The following GRIK4 variants were observed in gnomAD, a reference collection of about 807,000 sequenced individuals.
GRIK4 encodes glutamate ionotropic receptor kainate type subunit 4.
Under a neutral mutation model 104.9 loss-of-function variants are expected in GRIK4, and 40 were observed. That is an observed-to-expected ratio of 0.38 (90% confidence interval 0.30 to 0.50). The LOEUF is 0.50. Ranked by LOEUF, GRIK4 falls within the 20% of genes least tolerant of loss-of-function variation. The probability of loss-of-function intolerance (pLI) is 0.93; values close to 1 mark genes in which losing one functional copy is unlikely to be tolerated. For synonymous variants in GRIK4, 485 were observed against 524.9 expected (o/e 0.92, Z 1.04); for missense variants, 1,047 against 1,308.1 (o/e 0.80, Z 3.08).
At chr11:120,821,042 G>A (rs926923461) in intron 6 of GRIK4, among the ~76,000 whole-genome samples, 3 of 152,218 alleles carry the variant, frequency 2.0e-5, no homozygotes, top group Admixed American at 2.0e-4. Flanking sequence ...GACTCTAGGA[G>A]GTGAAATGAC....
Position 120,527,182 on chromosome 11 carries a change from C to A in GRIK4, c.-159+15295C>A, listed in dbSNP as rs75195561. On this transcript the variant is annotated intron_variant, in intron 1 of 20. Transcript: ENST00000527524. ...TTGCCCTGATCCCGCCTCGGCTTGC[C>A]GGGGCTTTGGCTTCTGGAGCTGCGT... Among the ~76,000 whole-genome samples, 9 of 152,302 alleles carry A rather than the reference C, an allele frequency of 5.9e-5. 2 individuals are homozygous for A. Among genetic ancestry groups the A allele is most frequent in the African/African-American group, 2.2e-4 (9 of 41,572 alleles).
intron 8 of GRIK4, among the ~76,000 whole-genome samples, chr11:120,852,168 T>C (rs1953988883): frequency 6.6e-6 from 1 of 152,208 alleles, no homozygotes. Context: ...AGTTAATAAC[T>C]ACTTATTTAG....
chr11:120,665,607 A>T (rs1277828191), intron 3 of GRIK4, among the ~76,000 whole-genome samples: 1 of 152,156 alleles, frequency 6.6e-6, no homozygotes, highest in African/African-American at 2.4e-5. Context: ...CTGAATTTTG[A>T]GCTGACCCGT....
At chr11:120,643,427 G>A (rs563338319) in intron 1 of GRIK4, among the ~76,000 whole-genome samples, 11 of 152,304 alleles carry the variant, frequency 7.2e-5, no homozygotes, top group South Asian at 2.1e-4. Context: ...GGGACCCAGC[G>A]TTGCCTGTGG....
chr11:120,943,219 G>A (rs758841727), intron 14 of GRIK4, among the ~76,000 whole-genome samples: 1 of 151,324 alleles, frequency 6.6e-6, no homozygotes, highest in Non-Finnish European at 1.5e-5. Flanking sequence ...AGGATGCCAC[G>A]TGGCTGCCTA....
intron 1 of GRIK4, among the ~76,000 whole-genome samples, chr11:120,570,266 T>G (rs1343359350): frequency 6.6e-6 from 1 of 152,216 alleles, no homozygotes. Flanking sequence ...CAAATCATAT[T>G]TTAAAAGGCT....
intron 3 of GRIK4, among the ~76,000 whole-genome samples, chr11:120,684,884 T>C (rs1379862506): frequency 6.6e-6 from 1 of 152,184 alleles, no homozygotes; most frequent in Non-Finnish European, 1.5e-5. Flanking sequence ...TAATTTTTTG[T>C]ATTTTTAGTA....
intron 9 of GRIK4, 89 bp downstream of exon 9, chr11:120,862,209 G>A: frequency 1.7e-6 from 2 of 1,146,274 alleles, no homozygotes; most frequent in Non-Finnish European, 2.5e-6. Flanking sequence ...ACATCTTCTT[G>A]GAGTCCAGCC....
chr11:120,758,706 A>G (rs530734832), intron 3 of GRIK4, among the ~76,000 whole-genome samples: 141 of 152,332 alleles, frequency 9.3e-4, no homozygotes, highest in African/African-American at 3.2e-3. Context: ...ACTGGAGTGA[A>G]ACATTACAGA....
chr11:120,863,054 G>A (rs978413375), intron 9 of GRIK4, among the ~76,000 whole-genome samples: 7 of 152,254 alleles, frequency 4.6e-5, no homozygotes, highest in South Asian at 2.1e-4. Flanking sequence ...AACCCAGGCC[G>A]TATGGCTTTA....
rs2134710287 is a variant in GRIK4 at position 120,956,607 on chromosome 11, C to A, written c.1701-173C>A. On this transcript the variant is annotated intron_variant, in intron 15 of 20. Transcript: ENST00000527524. The surrounding 1 kb of genome is among the most constrained non-coding windows in gnomAD (Gnocchi z 4.6). ...TGAGAACCATCAACCCAGTTCAACC[C>A]ACTTATTTTATTTTATTTTTTTTTT... 2.6e-5 allele frequency among the ~76,000 whole-genome samples: 4 copies of A among 152,206 alleles called. No homozygotes were observed. The South Asian group carries it at 8.3e-4, about 32-fold the overall frequency.
At chr11:120,520,435 A>AATCACGT (rs1237023329) in intron 1 of GRIK4, among the ~76,000 whole-genome samples, 1 of 152,230 alleles carries the variant, frequency 6.6e-6, no homozygotes, top group East Asian at 1.9e-4. Context: ...CCACCTCCTG[A>AATCACGT]ATCACGTGCC....
rs551277915 is a variant in GRIK4, at chr11:120,524,385, G to A, written c.-159+12498G>A. Among the ~76,000 whole-genome samples, 8 of 152,242 alleles carry A rather than the reference G, an allele frequency of 5.3e-5. No homozygotes were observed. Among genetic ancestry groups the A allele is most frequent in the South Asian group, 2.1e-4 (1 of 4,814 alleles). On this transcript the variant is annotated intron_variant, in intron 1 of 20. Transcript: ENST00000527524. The surrounding 1 kb of genome is among the most constrained non-coding windows in gnomAD (Gnocchi z 4.5). ...TGACTCTGGAAAGCTTGGATGGGCC[G>A]CCTTCGACTCGCAGATGTATGGGAT...
intron 1 of GRIK4, among the ~76,000 whole-genome samples, chr11:120,565,343 T>C (rs1179655538): frequency 6.6e-6 from 1 of 152,238 alleles, no homozygotes; most frequent in African/African-American, 2.4e-5. Context: ...AAGCCCACTT[T>C]CCAGTGAGCT....
chr11:120,579,560 G>A (rs1157273168), intron 1 of GRIK4, among the ~76,000 whole-genome samples: 1 of 152,150 alleles, frequency 6.6e-6, no homozygotes, highest in African/African-American at 2.4e-5. Flanking sequence ...TTTAAGCAGG[G>A]GAGTGACAGT....
chr11:120,784,760 G>T (rs970743717), intron 3 of GRIK4, among the ~76,000 whole-genome samples: 1 of 151,996 alleles, frequency 6.6e-6, no homozygotes, highest in Admixed American at 6.5e-5. Context: ...TTCAGAGTCT[G>T]CCAGGCACCT....
At chr11:120,566,753 G>C (rs888651420) in intron 1 of GRIK4, among the ~76,000 whole-genome samples, 1 of 150,264 alleles carries the variant, frequency 6.7e-6, no homozygotes, top group Admixed American at 6.7e-5. Context: ...TGCCAGGCTG[G>C]AGTGCAGTGG....
At chr11:120,587,614 T>G (rs1459942010) in intron 1 of GRIK4, among the ~76,000 whole-genome samples, 2 of 152,208 alleles carry the variant, frequency 1.3e-5, no homozygotes, top group Non-Finnish European at 2.9e-5. Context: ...CTTGGACCAG[T>G]AACTTGTGAG....
At chr11:120,786,015 A>G (rs1220275766) in intron 3 of GRIK4, among the ~76,000 whole-genome samples, 2 of 151,980 alleles carry the variant, frequency 1.3e-5, no homozygotes, top group Non-Finnish European at 2.9e-5. Context: ...CCCCAGTGCA[A>G]CCTTCAAACA....
Sources: gnomAD v4.1 joint callset for allele counts (sites outside exome capture counted in the v4.1 genomes callset) on GRCh38, gnomAD v4.1.1 for gene constraint, Gnocchi (gnomAD v3.1) non-coding constraint, MANE v1.5 for transcripts, NCBI Gene and HGNC (gene_info 2026-07-23, HGNC 2026-07-21) for gene names.